The following DGKH variants were observed in gnomAD, a reference collection of about 807,000 sequenced individuals.
The protein encoded by DGKH is diacylglycerol kinase eta.
DGKH carries 90 observed loss-of-function variants against 159.3 expected under a neutral mutation model. The observed-to-expected ratio is 0.57, with a 90% CI of 0.48 to 0.67. DGKH has a LOEUF of 0.67. Among genes scored for constraint, DGKH ranks in the 30% least tolerant of loss-of-function variants. The pLI is 0.00. For synonymous variants in DGKH, 536 were observed against 553.8 expected, an observed-to-expected ratio of 0.97 and a Z score of 0.45; for missense variants, 1,181 against 1,506.1, an observed-to-expected ratio of 0.78 and a Z score of 3.57.
At chr13:42,059,567 A>G (rs1425558781) in intron 1 of DGKH, among the ~76,000 whole-genome samples, 1 of 152,066 alleles carries the variant, frequency 6.6e-6, no homozygotes, top group African/African-American at 2.4e-5. Context: ...GTCTTATGAA[A>G]AAATATTTTA....
intron 1 of DGKH, among the ~76,000 whole-genome samples, chr13:42,100,924 TGCCACAAAA>T (rs1954640355): frequency 6.6e-6 from 1 of 152,246 alleles, no homozygotes; most frequent in Non-Finnish European, 1.5e-5. Flanking sequence ...GTTACAGTTC[TGCCACAAAA>T]TGCTCTGTGG....
At chr13:42,067,416 G>A (rs1366355436) in intron 1 of DGKH, among the ~76,000 whole-genome samples, 1 of 152,016 alleles carries the variant, frequency 6.6e-6, no homozygotes, top group Non-Finnish European at 1.5e-5. Context: ...GCTTAAAAAA[G>A]AATTTGAAGA....
intron 1 of DGKH, among the ~76,000 whole-genome samples, chr13:42,075,156 C>T (rs926871449): frequency 6.6e-6 from 1 of 152,100 alleles, no homozygotes; most frequent in African/African-American, 2.4e-5. Context: ...TGATTTACTT[C>T]TTGTTTTTTC....
intron 1 of DGKH, among the ~76,000 whole-genome samples, chr13:42,087,833 GAGAC>G (rs1323885824): frequency 6.6e-6 from 1 of 150,666 alleles, no homozygotes; most frequent in Non-Finnish European, 1.5e-5. Flanking sequence ...AGAAGAGAGA[GAGAC>G]AGAAAAAGCA....
At chr13:42,212,263 G>T (rs1413669569) in intron 24 of DGKH, among the ~76,000 whole-genome samples, 1 of 152,082 alleles carries the variant, frequency 6.6e-6, no homozygotes, top group Non-Finnish European at 1.5e-5. Flanking sequence ...GAAGAGAAAA[G>T]GCATACACCC....
At chr13:42,068,893 A>G in intron 1 of DGKH, 1 of 1,019,326 alleles carries the variant, frequency 9.8e-7, no homozygotes, top group East Asian at 2.7e-5. Context: ...GACAAAATAC[A>G]TTTCATAAGA....
At chr13:42,225,238 A>G (rs957866007) in intron 29 of DGKH, 38 of 1,555,914 alleles carry the variant, frequency 2.4e-5, no homozygotes, top group Admixed American at 2.0e-4. Flanking sequence ...AGTATTTCCA[A>G]TGTGCTTTAG....
intron 1 of DGKH, among the ~76,000 whole-genome samples, chr13:42,061,017 T>A (rs922607240): frequency 5.3e-5 from 8 of 151,962 alleles, no homozygotes; most frequent in African/African-American, 1.9e-4. Context: ...GGCGGTTTAA[T>A]AGGTAGAATA....
downstream of DGKH, among the ~76,000 whole-genome samples, chr13:42,245,025 C>T (rs1007135359): frequency 1.3e-5 from 2 of 149,756 alleles, no homozygotes; most frequent in African/African-American, 4.9e-5. Flanking sequence ...GGATTCTTAG[C>T]TTGGAAAAGA....
At chr13:42,118,099 C>T (rs1044688832) in intron 1 of DGKH, among the ~76,000 whole-genome samples, 3 of 152,108 alleles carry the variant, frequency 2.0e-5, no homozygotes, top group African/African-American at 7.2e-5. Context: ...CGCCTGTAGT[C>T]CCAGCTACTC....
At chr13:42,076,587 T>C (rs11843246) in intron 1 of DGKH, among the ~76,000 whole-genome samples, 3 of 152,168 alleles carry the variant, frequency 2.0e-5, no homozygotes, top group Non-Finnish European at 4.4e-5. Context: ...TATTCAAGTT[T>C]AGGTTAACCC....
At chr13:42,074,945 A>C (rs1345370066) in intron 1 of DGKH, among the ~76,000 whole-genome samples, 1 of 152,194 alleles carries the variant, frequency 6.6e-6, no homozygotes. Context: ...TTTCACATGG[A>C]GCATGAGAGT....
intron 3 of DGKH, chr13:42,140,906 T>C (rs1955532578): frequency 6.6e-6 from 1 of 151,616 alleles, no homozygotes; most frequent in Non-Finnish European, 1.5e-5. Context: ...AAAAATTTTA[T>C]ATTTTTATTT....
intron 3 of DGKH, among the ~76,000 whole-genome samples, chr13:42,151,613 A>ACCCCC (rs140696226): frequency 8.9e-6 from 1 of 111,978 alleles, no homozygotes; most frequent in East Asian, 4.6e-4. Flanking sequence ...ACACACACAC[A>ACCCCC]CCCCATGGAA....
At chr13:42,052,378 C>G (rs529010442) in intron 1 of DGKH, among the ~76,000 whole-genome samples, 1 of 152,120 alleles carries the variant, frequency 6.6e-6, no homozygotes, top group Non-Finnish European at 1.5e-5. Context: ...TCTGAATAAC[C>G]TAAGTGGAAT....
intron 12 of DGKH, among the ~76,000 whole-genome samples, chr13:42,174,786 G>C (rs1956559254): frequency 6.6e-6 from 1 of 152,102 alleles, no homozygotes; most frequent in Non-Finnish European, 1.5e-5. Context: ...GCTCACTGCA[G>C]CCTTGACCTC....
chr13:42,088,565 ATAAAT>A (rs376583400), intron 1 of DGKH, among the ~76,000 whole-genome samples: 1 of 152,306 alleles, frequency 6.6e-6, no homozygotes, highest in East Asian at 1.9e-4. Flanking sequence ...GCACATTGTG[ATAAAT>A]TAAAGATGGA....
chr13:42,231,439 T>G lies in DGKH; in HGVS notation c.*2251T>G, dbSNP rs2084231803. ...CGAAGTCAGAGGTCTCCTTTTTCAG[T>G]CCCTCTGATAGTCCCACCTAAGTGC... On this transcript the variant is annotated 3_prime_UTR_variant, in exon 30 of 30. Coordinates refer to ENST00000337343, the MANE Select transcript of DGKH (RefSeq NM_178009.5). The G allele has an allele frequency of 6.6e-6, 1 of 152,126 alleles. No individual in the cohort carries two copies. The highest frequency in any genetic ancestry group is 1.5e-5 in the Non-Finnish European group (1 of 68,016). 9.4% of individuals were successfully genotyped at this position (152,126 alleles called of 1,614,324 possible).
chr13:42,216,169 C>G (rs1957789780), intron 26 of DGKH, among the ~76,000 whole-genome samples: 1 of 152,220 alleles, frequency 6.6e-6, no homozygotes, highest in African/African-American at 2.4e-5. Context: ...TAGGCCAAGT[C>G]TGAATCAGAC....
Sources: gnomAD v4.1 joint callset for allele counts (sites outside exome capture counted in the v4.1 genomes callset) on GRCh38, gnomAD v4.1.1 for gene constraint, MANE v1.5 for transcripts, NCBI Gene and HGNC (gene_info 2026-07-23, HGNC 2026-07-21) for gene names.